Variants in NTRK3 observed in about 807,000 individuals in gnomAD.
NTRK3 encodes NT-3 growth factor receptor.
NTRK3 carries 24 observed loss-of-function variants against 91.7 expected under a neutral mutation model. The ratio of observed to expected loss-of-function variants is 0.26; its 90% CI spans 0.19 to 0.37. NTRK3 has a LOEUF of 0.37. Ranked by LOEUF, NTRK3 falls within the 10% of genes least tolerant of loss-of-function variation. The probability of loss-of-function intolerance (pLI) is 1.00; values close to 1 mark genes in which losing one functional copy is unlikely to be tolerated. For synonymous variants in NTRK3, 483 were observed against 404.0 expected (o/e 1.20, Z -2.34); for missense variants, 880 against 1,068.9 (o/e 0.82, Z 2.46).
chr15:87,933,766 A>C (rs545878207), intron 15 of NTRK3, among the ~76,000 whole-genome samples: 242 of 152,310 alleles, frequency 1.6e-3, no homozygotes, highest in South Asian at 9.9e-3. Context: ...TGTTCTCCCA[A>C]TAGGGGTTTG....
intron 14 of NTRK3, among the ~76,000 whole-genome samples, chr15:87,969,511 G>T (rs1723685897): frequency 2.0e-5 from 3 of 152,152 alleles, no homozygotes; most frequent in African/African-American, 7.2e-5. Flanking sequence ...CCAGTTCAAG[G>T]CTGGGGCAGC....
At chr15:87,961,737 G>A (rs1178153843) in intron 14 of NTRK3, among the ~76,000 whole-genome samples, 1 of 152,262 alleles carries the variant, frequency 6.6e-6, no homozygotes, top group East Asian at 1.9e-4. Flanking sequence ...AGCAACAGAT[G>A]GACATTGGTG....
chr15:88,214,654 T>C (rs980181964), intron 3 of NTRK3, among the ~76,000 whole-genome samples: 28 of 28,210 alleles, frequency 9.9e-4, no homozygotes, highest in African/African-American at 2.9e-3. Flanking sequence ...CAGGAAAAAA[T>C]AAAGCAGAAA....
At chr15:88,127,081 T>C in intron 12 of NTRK3, 81 bp downstream of exon 12, 3 of 1,231,866 alleles carry the variant, frequency 2.4e-6, no homozygotes, top group Non-Finnish European at 3.6e-6. Context: ...AAGATAATAT[T>C]TGGAAAAGTT....
At chr15:88,083,509 A>T (rs1033453068) in intron 13 of NTRK3, among the ~76,000 whole-genome samples, 1 of 152,152 alleles carries the variant, frequency 6.6e-6, no homozygotes, top group Non-Finnish European at 1.5e-5. Flanking sequence ...GGCATGAGCC[A>T]CCGCGCCCGG....
intron 14 of NTRK3, among the ~76,000 whole-genome samples, chr15:87,988,780 G>A (rs937246902): frequency 2.6e-5 from 4 of 152,124 alleles, no homozygotes. Context: ...TCACAATAAG[G>A]ATAATCTGTC....
At chr15:87,875,698 C>A (rs191389813) in exon 19 of NTRK3, 1 of 233,062 alleles carries the variant, frequency 4.3e-6, no homozygotes, top group East Asian at 6.0e-5. Flanking sequence ...TAGATTCTCC[C>A]CTGCTGGCTC....
chr15:87,909,188 C>A (rs2066942732), intron 17 of NTRK3, among the ~76,000 whole-genome samples: 1 of 152,062 alleles, frequency 6.6e-6, no homozygotes, highest in African/African-American at 2.4e-5. Flanking sequence ...TCCTTGCTGT[C>A]CATGGAGTTA....
exon 19 of NTRK3, chr15:87,864,850 G>T (rs1420827131): frequency 8.8e-6 from 2 of 228,516 alleles, no homozygotes; most frequent in African/African-American, 4.4e-5. Context: ...CAGAGAGTGG[G>T]CTCTATTATT....
intron 14 of NTRK3, among the ~76,000 whole-genome samples, chr15:88,013,890 A>G (rs148670592): frequency 1.3e-5 from 2 of 152,126 alleles, no homozygotes; most frequent in African/African-American, 4.8e-5. Flanking sequence ...CAGTGAGCCA[A>G]TATCACACCA....
chr15:87,997,471 C>T (rs2075788486), intron 14 of NTRK3, among the ~76,000 whole-genome samples: 1 of 152,084 alleles, frequency 6.6e-6, no homozygotes, highest in Non-Finnish European at 1.5e-5. Flanking sequence ...ACCCTTCTCC[C>T]GCTTGTTATT....
chr15:88,170,960 A>G (rs191768187), intron 5 of NTRK3, among the ~76,000 whole-genome samples: 1 of 152,112 alleles, frequency 6.6e-6, no homozygotes, highest in Admixed American at 6.5e-5. Context: ...AGAGAATTCA[A>G]CCCCTCTGTG....
chr15:88,057,150 C>T, intron 13 of NTRK3, among the ~76,000 whole-genome samples: 1 of 128,122 alleles, frequency 7.8e-6, no homozygotes, highest in Non-Finnish European at 1.6e-5. Context: ...GCCTGGGCGA[C>T]AGAGCGAAAC....
At chr15:88,007,865 C>A (rs2076605740) in intron 14 of NTRK3, among the ~76,000 whole-genome samples, 1 of 152,076 alleles carries the variant, frequency 6.6e-6, no homozygotes, top group Admixed American at 6.6e-5. Context: ...TGAATAGGAC[C>A]CCTAACGTGC....
At chr15:88,141,407 A>T (rs2042376531) in intron 6 of NTRK3, among the ~76,000 whole-genome samples, 1 of 152,320 alleles carries the variant, frequency 6.6e-6, no homozygotes, top group East Asian at 1.9e-4. Context: ...TGTATGCAGG[A>T]AAGATAGGCC....
intron 6 of NTRK3, among the ~76,000 whole-genome samples, chr15:88,142,879 C>G (rs1041128742): frequency 6.6e-6 from 1 of 152,150 alleles, no homozygotes; most frequent in Admixed American, 6.5e-5. Context: ...GATAAGATCA[C>G]TCTCGATTTC....
intron 14 of NTRK3, among the ~76,000 whole-genome samples, chr15:88,027,916 T>C (rs1007181764): frequency 1.3e-5 from 2 of 151,902 alleles, no homozygotes; most frequent in Non-Finnish European, 2.9e-5. Flanking sequence ...GACTAAGCTA[T>C]GGGTTAGAAG....
Position 87,875,491 on chromosome 15 carries a change from A to T in NTRK3, c.*1444T>A, listed in dbSNP as rs2064924612. ...TCTCTCCGGTCAGGGCTCAGGCCTC[A>T]TTAAGATTCCAAGCCTGCAGCACTG... On this transcript the variant is annotated 3_prime_UTR_variant, in exon 19 of 19. Transcript: ENST00000394480. 1.3e-5 allele frequency: 3 copies of T among 232,584 alleles called. No homozygotes were observed. In the East Asian group the frequency reaches 1.8e-4, roughly 14 times the overall value. The allele number at this position is 232,584 out of a possible 1,614,324, so 14.4% of individuals were successfully genotyped here.
At chr15:88,020,565 T>A (rs1232971868) in intron 14 of NTRK3, among the ~76,000 whole-genome samples, 3 of 152,174 alleles carry the variant, frequency 2.0e-5, no homozygotes, top group African/African-American at 7.2e-5. Flanking sequence ...GTTGTAAAAA[T>A]ATTGCTGTCA....
Sources: gnomAD v4.1 joint callset for allele counts (sites outside exome capture counted in the v4.1 genomes callset) on GRCh38, gnomAD v4.1.1 for gene constraint, MANE v1.5 for transcripts, NCBI Gene and HGNC (gene_info 2026-07-23, HGNC 2026-07-21) for gene names.